Variants in RECQL5 observed in about 807,000 individuals in gnomAD.
RECQL5 encodes RecQ like helicase 5.
RECQL5 carries 88 observed loss-of-function variants against 103.4 expected under a neutral mutation model. The ratio of observed to expected loss-of-function variants is 0.85; its 90% confidence interval spans 0.72 to 1.02. RECQL5 has a LOEUF of 1.02. Among genes scored for constraint, RECQL5 ranks in the 50% least tolerant of loss-of-function variants. RECQL5 has a pLI of 0.00. For synonymous variants in RECQL5, 552 were observed against 507.9 expected (o/e 1.09, Z -1.17); for missense variants, 1,232 against 1,284.3 (o/e 0.96, Z 0.62).
At chr17:75,643,827 C>T (rs1409043340) in intron 8 of RECQL5, among the ~76,000 whole-genome samples, 2 of 152,248 alleles carry the variant, frequency 1.3e-5, no homozygotes, top group African/African-American at 4.8e-5. Flanking sequence ...TCAATGCTTA[C>T]CTGTGGTCAC....
chr17:75,633,342 T>C, intron 8 of RECQL5: 1 of 985,610 alleles, frequency 1.0e-6, no homozygotes, highest in Non-Finnish European at 1.4e-6. Context: ...CCACACAGCC[T>C]AGCCTGCTGG....
chr17:75,654,098 TTATGAC>T (rs1244480413), intron 7 of RECQL5, among the ~76,000 whole-genome samples: 1 of 152,196 alleles, frequency 6.6e-6, no homozygotes, highest in Non-Finnish European at 1.5e-5. Context: ...ATTTTCCTTA[TTATGAC>T]TATGTCAACA....
At chr17:75,658,568 G>C (rs2059657694) in intron 6 of RECQL5, 108 bp from the exon 7 acceptor site, 2 of 997,534 alleles carry the variant, frequency 2.0e-6, no homozygotes, top group South Asian at 2.9e-5. Context: ...TAGGGAGGGA[G>C]AGGGATAGTC....
At chr17:75,652,113 G>C (rs761094611) in intron 7 of RECQL5, among the ~76,000 whole-genome samples, 22 of 152,254 alleles carry the variant, frequency 1.4e-4, no homozygotes, top group Admixed American at 6.5e-4. Context: ...TGTGATCCCA[G>C]GTACTCAGGA....
intron 11 of RECQL5, 30 bp from the exon 12 acceptor site, chr17:75,630,867 T>C (rs2059199277): frequency 6.7e-7 from 1 of 1,496,038 alleles, no homozygotes; most frequent in Non-Finnish European, 9.1e-7. Context: ...TCCTTGGTCC[T>C]TTCGCTCCAC....
intron 8 of RECQL5, among the ~76,000 whole-genome samples, chr17:75,632,422 G>A (rs1190446549): frequency 1.3e-5 from 2 of 152,156 alleles, no homozygotes; most frequent in Admixed American, 1.3e-4. Flanking sequence ...CTCTGTGACC[G>A]CACAATGACA....
rs1434922699 is a variant in RECQL5, at chr17:75,658,063, G to GA, written c.1149+234dup. 2.6e-5 allele frequency among the ~76,000 whole-genome samples: 4 copies of GA among 151,608 alleles called. No homozygotes were observed. In the East Asian group the frequency reaches 7.7e-4, roughly 29 times the overall value. ...ACTCTGTCTCAAAAAAAAGAAAAAA[G>GA]AAAAAAAGCTAGTATTAAGATAATT... On this transcript the variant is annotated intron_variant, in intron 7 of 19. Coordinates refer to ENST00000317905, the MANE Select transcript of RECQL5 (RefSeq NM_004259.7).
At position 75,628,421 on chromosome 17, in the gene RECQL5, G is replaced by A; in HGVS notation, c.2602C>T (p.Gln868Ter). ...TTGGCTGAGGGGCGTGGCCTCTTCTGAGGCTGGCTCTCTGGGTTCTCCTGA... is the reference window on the plus strand; with the variant it reads ...TTGGCTGAGGGGCGTGGCCTCTTCTAAGGCTGGCTCTCTGGGTTCTCCTGA... ...SQQENPESQP[Q>*]KRPRPSAKPS... Residue 868 changes from glutamine to a stop codon, truncating the protein, a stop_gained, in exon 18 of 20, where the codon CAG (glutamine) becomes TAG (stop). Coordinates refer to ENST00000317905, the MANE Select transcript of RECQL5 (RefSeq NM_004259.7). LOFTEE classifies it high-confidence loss of function. 2 of 1,613,666 alleles carry A rather than the reference G, an allele frequency of 1.2e-6. No homozygotes were observed. The highest frequency in any genetic ancestry group is 1.1e-5 in the South Asian group (1 of 91,082).
At chr17:75,657,045 C>G (rs932485929) in intron 7 of RECQL5, among the ~76,000 whole-genome samples, 45 of 152,072 alleles carry the variant, frequency 3.0e-4, no homozygotes, top group Admixed American at 2.5e-3. Context: ...CGCCCGGCCC[C>G]TTTATTGTCA....
intron 6 of RECQL5, among the ~76,000 whole-genome samples, chr17:75,658,662 A>C (rs113123835): frequency 3.2e-4 from 48 of 152,216 alleles, no homozygotes; most frequent in African/African-American, 1.1e-3. Context: ...CCACAGCAGG[A>C]GTTAAGGGGG....
chr17:75,634,768 ACTC>A (rs2059287563), intron 8 of RECQL5, among the ~76,000 whole-genome samples: 1 of 151,786 alleles, frequency 6.6e-6, no homozygotes, highest in South Asian at 2.1e-4. Context: ...AACCCCATAA[ACTC>A]CTAGATCTCC....
Position 75,630,794 on chromosome 17 carries a change from G to C in RECQL5, c.1629C>G (p.Pro543=), listed in dbSNP as rs2059194565. Residue 543 remains proline, a synonymous_variant, in exon 12 of 20, where the codon CCC becomes CCG. Transcript: ENST00000317905. ...CGTCTCTTACCTTCACAGTCAGCCT[G>C]GGGATCCTCCTGCTAGAAGCCTCTT... ...PLKEASSRRI[P]RLTVKAREHC... 1 of 1,546,668 alleles carries C rather than the reference G, an allele frequency of 6.5e-7. No homozygotes were observed. Among genetic ancestry groups the C allele is most frequent in the Non-Finnish European group, 8.7e-7 (1 of 1,144,146 alleles).
chr17:75,637,785 C>T (rs1164370567), intron 8 of RECQL5: 1 of 152,282 alleles, frequency 6.6e-6, no homozygotes, highest in African/African-American at 2.4e-5. Flanking sequence ...TGTACTGAGC[C>T]CACTGCACGG....
rs1237864963 is a variant in RECQL5, at chr17:75,630,802, TC to T, written c.1620del (p.Arg541GlyfsTer5). 7.2e-7 allele frequency: 1 copy of T among 1,397,890 alleles called. No homozygotes were observed. The highest frequency in any genetic ancestry group is 9.5e-7 in the Non-Finnish European group (1 of 1,049,442). 86.6% of individuals were successfully genotyped at this position (1,397,890 alleles called of 1,614,324 possible). ...ENCPLKEASS[R>X]RIPRLTVKAR... ...ACCTTCACAGTCAGCCTGGGGATCC[TC>T]CTGCTAGAAGCCTCTTTCAGGGGAC... On this transcript the variant is annotated frameshift_variant, in exon 12 of 20. Transcript: ENST00000317905. LOFTEE classifies it high-confidence loss of function.
intron 8 of RECQL5, chr17:75,633,715 G>A: frequency 8.9e-7 from 1 of 1,123,132 alleles, no homozygotes; most frequent in Non-Finnish European, 1.1e-6. Context: ...CCTGAGGGCA[G>A]GGTGGGTGCC....
intron 7 of RECQL5, among the ~76,000 whole-genome samples, chr17:75,656,946 G>A (rs992113950): frequency 9.2e-5 from 14 of 152,020 alleles, no homozygotes; most frequent in South Asian, 4.1e-4. Context: ...GGGTTTCACC[G>A]TGTTAGTCAG....
chr17:75,650,687 T>C, intron 8 of RECQL5: 1 of 1,613,956 alleles, frequency 6.2e-7, no homozygotes, highest in Non-Finnish European at 8.5e-7. Flanking sequence ...CAAGCAGCCC[T>C]CAGACTCTTT....
intron 18 of RECQL5, 90 bp downstream of exon 18, chr17:75,628,128 G>A (rs1477314426): frequency 6.7e-6 from 8 of 1,187,210 alleles, no homozygotes; most frequent in South Asian, 1.3e-5. Flanking sequence ...GGCCCACTGT[G>A]TTCTGGGGCT....
intron 8 of RECQL5, chr17:75,646,476 A>G (rs965341610): frequency 1.3e-5 from 2 of 152,306 alleles, no homozygotes; most frequent in African/African-American, 4.8e-5. Flanking sequence ...ACGTGCCCTG[A>G]GCACCCCCAA....
Sources: gnomAD v4.1 joint callset for allele counts (sites outside exome capture counted in the v4.1 genomes callset) on GRCh38, gnomAD v4.1.1 for gene constraint, MANE v1.5 for transcripts, NCBI Gene and HGNC (gene_info 2026-07-23, HGNC 2026-07-21) for gene names.